Variants in SHQ1 observed in about 807,000 individuals in gnomAD.
SHQ1 encodes SHQ1, H/ACA ribonucleoprotein assembly factor.
Under a neutral mutation model 53.8 loss-of-function variants are expected in SHQ1, and 49 were observed. That is an observed-to-expected ratio of 0.91 (90% CI 0.72 to 1.16). SHQ1 has a LOEUF of 1.16. SHQ1 is among the 50% of genes most tolerant of loss of function. The pLI is 0.00. For missense variants in SHQ1, 738 were observed against 683.1 expected (o/e 1.08, Z -0.90); for synonymous variants, 243 against 251.0 (o/e 0.97, Z 0.30).
intron 1 of SHQ1, among the ~76,000 whole-genome samples, chr3:72,844,770 C>T (rs1708280571): frequency 6.6e-6 from 1 of 152,154 alleles, no homozygotes; most frequent in Non-Finnish European, 1.5e-5. Flanking sequence ...TTTTTGAGCA[C>T]CAACATGACA....
intron 8 of SHQ1, among the ~76,000 whole-genome samples, chr3:72,813,328 G>A (rs1559684555): frequency 6.6e-6 from 1 of 151,758 alleles, no homozygotes; most frequent in Non-Finnish European, 1.5e-5. Context: ...TTAGCCAGGT[G>A]TGGTGACAGG....
intron 10 of SHQ1, among the ~76,000 whole-genome samples, chr3:72,776,905 C>A (rs1705968249): frequency 6.6e-6 from 1 of 152,120 alleles, no homozygotes; most frequent in South Asian, 2.1e-4. Flanking sequence ...AACAGATCCA[C>A]ACATACATGT....
intron 10 of SHQ1, among the ~76,000 whole-genome samples, chr3:72,761,457 C>A (rs538808320): frequency 1.3e-5 from 2 of 152,342 alleles, no homozygotes; most frequent in African/African-American, 4.8e-5. Context: ...TAGGCATAAG[C>A]TACTGCGCCG....
At chr3:72,744,856 G>T (rs560520993), downstream of SHQ1, among the ~76,000 whole-genome samples, 9 of 140,716 alleles carry the variant, frequency 6.4e-5, no homozygotes, top group Non-Finnish European at 1.1e-4. Flanking sequence ...AGAGATTTGC[G>T]TTTATGAAGC....
At chr3:72,730,244 T>G in the SHQ1 span, among the ~76,000 whole-genome samples, 1 of 152,046 alleles carries the variant, frequency 6.6e-6, no homozygotes, top group Non-Finnish European at 1.5e-5. Context: ...GCCTCCCGAG[T>G]AGCTGGGACT....
intron 4 of SHQ1, among the ~76,000 whole-genome samples, chr3:72,835,446 C>T (rs973274928): frequency 1.3e-5 from 2 of 152,194 alleles, no homozygotes; most frequent in African/African-American, 2.4e-5. Flanking sequence ...CATTTCCTCA[C>T]TTGCTAATAG....
In SHQ1 at chr3:72,833,377, G is replaced by C. The variant is rs542704390; in HGVS notation, c.487-896C>G. Reference sequence around the variant, plus strand: ...GATGGCTTGAGCCCAGGAGATGGAGGCTGCAGTGAGCCAAGATCATGCCAC... The same window carrying C: ...GATGGCTTGAGCCCAGGAGATGGAGCCTGCAGTGAGCCAAGATCATGCCAC... On this transcript the variant is annotated intron_variant, in intron 4 of 10. Coordinates refer to ENST00000325599, the MANE Select transcript of SHQ1 (RefSeq NM_018130.3). 2.2e-4 allele frequency among the ~76,000 whole-genome samples: 34 copies of C among 152,216 alleles called. 1 individual carries two copies. Among genetic ancestry groups the C allele is most frequent in the Non-Finnish European group, 8.8e-5 (6 of 68,016 alleles).
chr3:72,843,300 T>A (rs1019106137), intron 2 of SHQ1, among the ~76,000 whole-genome samples: 1 of 152,078 alleles, frequency 6.6e-6, no homozygotes, highest in Non-Finnish European at 1.5e-5. Flanking sequence ...TGGCAACAGT[T>A]TTAAAAATAC....
chr3:72,832,972 AGT>A (rs765762856), intron 4 of SHQ1, among the ~76,000 whole-genome samples: 1 of 152,136 alleles, frequency 6.6e-6, no homozygotes, highest in South Asian at 2.1e-4. Context: ...TTGGGAAGAG[AGT>A]GTTTTGGATC....
intron 10 of SHQ1, among the ~76,000 whole-genome samples, chr3:72,760,018 T>C (rs541334925): frequency 5.9e-4 from 90 of 152,326 alleles, no homozygotes; most frequent in Non-Finnish European, 1.1e-3. Context: ...CTCAAATCAA[T>C]CTTTTAATCA....
intron 10 of SHQ1, among the ~76,000 whole-genome samples, chr3:72,767,930 G>C (rs977417736): frequency 6.6e-6 from 1 of 152,130 alleles, no homozygotes. Context: ...TGCTTCCTGC[G>C]TGGGGCGGGA....
chr3:72,800,403 T>C (rs1361342614), intron 9 of SHQ1, among the ~76,000 whole-genome samples: 1 of 152,218 alleles, frequency 6.6e-6, no homozygotes, highest in Admixed American at 6.5e-5. Flanking sequence ...AGTTAGGTAC[T>C]TTCTTCCTTG....
chr3:72,742,138 C>A, the SHQ1 span, among the ~76,000 whole-genome samples: 3 of 151,450 alleles, frequency 2.0e-5, no homozygotes, highest in Non-Finnish European at 4.4e-5. Flanking sequence ...TGGGAAGATC[C>A]CTTGAGTTCT....
At chr3:72,739,753 G>A in the SHQ1 span, among the ~76,000 whole-genome samples, 1 of 152,216 alleles carries the variant, frequency 6.6e-6, no homozygotes, top group African/African-American at 2.4e-5. Context: ...TGTCTGTGAA[G>A]GAAGAATAAA....
Position 72,761,913 on chromosome 3 carries a change from C to T in SHQ1, c.1182-11077G>A, listed in dbSNP as rs188261837. On this transcript the variant is annotated intron_variant, in intron 10 of 10. Transcript: ENST00000325599. Reference sequence around the variant, plus strand: ...AGAGTCATTTACTTTAATCGTCAAACGATAAACAGGTGGGCTACATGTTTA... The same window carrying T: ...AGAGTCATTTACTTTAATCGTCAAATGATAAACAGGTGGGCTACATGTTTA... Among the ~76,000 whole-genome samples, 304 of 152,248 alleles carry T rather than the reference C, an allele frequency of 2.0e-3. 2 individuals carry two copies. The highest frequency in any genetic ancestry group is 6.7e-3 in the African/African-American group (277 of 41,524).
At chr3:72,753,736 C>A in intron 10 of SHQ1, 3 of 627,960 alleles carry the variant, frequency 4.8e-6, no homozygotes, top group Non-Finnish European at 6.0e-6. Context: ...GCATTATAAC[C>A]CCTGGCTAAT....
intron 10 of SHQ1, chr3:72,752,935 T>C: frequency 5.1e-6 from 5 of 973,306 alleles, no homozygotes; most frequent in Non-Finnish European, 6.1e-6. Context: ...AGTGCTGGGA[T>C]TACAGGCGTG....
intron 10 of SHQ1, among the ~76,000 whole-genome samples, chr3:72,769,944 C>G (rs1705809808): frequency 6.6e-6 from 1 of 152,156 alleles, no homozygotes; most frequent in Non-Finnish European, 1.5e-5. Flanking sequence ...TAATTGTAAC[C>G]TGGGGTGATA....
At chr3:72,742,521 CAT>C in the SHQ1 span, among the ~76,000 whole-genome samples, 1 of 151,666 alleles carries the variant, frequency 6.6e-6, no homozygotes, top group Non-Finnish European at 1.5e-5. Flanking sequence ...TTAAAAACTA[CAT>C]GTGTTTACTC....
Sources: allele counts gnomAD v4.1 joint callset (sites outside exome capture counted in the v4.1 genomes callset), GRCh38; gene constraint gnomAD v4.1.1; transcripts MANE v1.5; gene names NCBI Gene and HGNC (gene_info 2026-07-23, HGNC 2026-07-21).